FHIT: variants seen among roughly 807,000 people sequenced by gnomAD.
The protein encoded by FHIT is bis(5'-adenosyl)-triphosphatase.
Under a neutral mutation model 17.9 loss-of-function variants are expected in FHIT, and 19 were observed. The observed-to-expected ratio is 1.06, with a 90% CI of 0.74 to 1.56. The LOEUF (loss-of-function observed/expected upper bound fraction) is 1.56. Among genes scored for constraint, FHIT ranks in the 40% most tolerant of loss-of-function variants. The pLI, the probability that FHIT is intolerant of heterozygous loss-of-function variation, is 0.00. For synonymous variants in FHIT, 81 were observed against 69.7 expected (o/e 1.16, Z -0.81); for missense variants, 248 against 189.2 (o/e 1.31, Z -1.82).
intron 5 of FHIT, among the ~76,000 whole-genome samples, chr3:60,214,834 G>A (rs548628405): frequency 6.7e-6 from 1 of 148,452 alleles, no homozygotes; most frequent in African/African-American, 2.5e-5. Flanking sequence ...CTATGCAGCT[G>A]TAAAAAAAAG....
intron 8 of FHIT, among the ~76,000 whole-genome samples, chr3:59,788,944 A>G (rs1699434533): frequency 7.0e-6 from 1 of 141,988 alleles, no homozygotes; most frequent in Admixed American, 7.6e-5. Context: ...CTGAGACCAA[A>G]GAGACTTATG....
At chr3:60,853,334 G>A (rs1462493943) in intron 3 of FHIT, among the ~76,000 whole-genome samples, 2 of 152,070 alleles carry the variant, frequency 1.3e-5, no homozygotes, top group Non-Finnish European at 2.9e-5. Flanking sequence ...TTTGTCTCTT[G>A]TATTGCTTTT....
intron 7 of FHIT, among the ~76,000 whole-genome samples, chr3:59,955,123 A>G (rs546174305): frequency 8.5e-5 from 13 of 152,336 alleles, no homozygotes; most frequent in African/African-American, 2.4e-4. Flanking sequence ...TAGCTATCGT[A>G]CAGCGTAGTT....
chr3:60,436,557 C>G (rs1387887102), intron 5 of FHIT, among the ~76,000 whole-genome samples: 1 of 120,578 alleles, frequency 8.3e-6, no homozygotes, highest in East Asian at 2.3e-4. Flanking sequence ...GTTTCTTCAC[C>G]AATGTAAAGG....
chr3:60,504,441 AAAT>A (rs918829608), intron 5 of FHIT, among the ~76,000 whole-genome samples: 7 of 151,930 alleles, frequency 4.6e-5, no homozygotes, highest in African/African-American at 1.2e-4. Context: ...AAAAAAAAAA[AAAT>A]TTTTTTTTTG....
At chr3:59,992,363 G>C (rs1201974393) in intron 7 of FHIT, among the ~76,000 whole-genome samples, 1 of 152,068 alleles carries the variant, frequency 6.6e-6, no homozygotes, top group Non-Finnish European at 1.5e-5. Context: ...GGGGTCTATA[G>C]ATGCCCGTTT....
At chr3:60,037,278 T>C (rs1701255573) in intron 5 of FHIT, among the ~76,000 whole-genome samples, 1 of 152,162 alleles carries the variant, frequency 6.6e-6, no homozygotes, top group African/African-American at 2.4e-5. Flanking sequence ...TACATAATGC[T>C]TCAAAAAAAT....
chr3:60,874,750 T>C (rs941060639), intron 3 of FHIT, among the ~76,000 whole-genome samples: 1 of 152,090 alleles, frequency 6.6e-6, no homozygotes, highest in African/African-American at 2.4e-5. Context: ...GGACTAATCA[T>C]GGCATATGGC....
chr3:59,901,350 G>A (rs78784066), intron 8 of FHIT, among the ~76,000 whole-genome samples: 3,092 of 152,238 alleles, frequency 0.02, 43 homozygotes, highest in Non-Finnish European at 0.031. Flanking sequence ...GCAAGACAAA[G>A]GTAAGTATGC....
chr3:60,802,455 C>G (rs963691402), intron 4 of FHIT, among the ~76,000 whole-genome samples: 3 of 152,062 alleles, frequency 2.0e-5, no homozygotes, highest in Non-Finnish European at 2.9e-5. Context: ...AAAAGCAACA[C>G]GTTGCCCTGG....
chr3:60,106,119 T>A (rs1396729970), intron 5 of FHIT, among the ~76,000 whole-genome samples: 1 of 152,230 alleles, frequency 6.6e-6, no homozygotes, highest in Non-Finnish European at 1.5e-5. Context: ...GCCACTCACC[T>A]GTTAGATACT....
In FHIT at chr3:60,061,355, C is replaced by G. The variant is rs568738090; in HGVS notation, c.104-47203G>C. On this transcript the variant is annotated intron_variant, in intron 5 of 9. Transcript: ENST00000492590. ...ACATACGACCTCTTTAAAAAACTCC[C>G]TCCAGAAGCCCTACAGTTTCCTCTC... is the stretch of plus-strand genomic sequence containing the variant. Among the ~76,000 whole-genome samples, 3 of 152,330 alleles carry G rather than the reference C, an allele frequency of 2.0e-5. No individual in the cohort carries two copies. In the East Asian group the frequency reaches 5.8e-4, roughly 29 times the overall value.
At chr3:61,076,312 G>C (rs2034969748) in intron 2 of FHIT, among the ~76,000 whole-genome samples, 2 of 152,154 alleles carry the variant, frequency 1.3e-5, no homozygotes, top group South Asian at 4.1e-4. Context: ...AGGTGGTACT[G>C]GTAGAAAATA....
In FHIT at chr3:60,995,819, T is replaced by G. The variant is rs890756650; in HGVS notation, c.-111+46228A>C. Among the ~76,000 whole-genome samples the G allele has an allele frequency of 2.0e-5, 3 of 152,188 alleles. No individual in the cohort carries two copies. The South Asian group carries it at 6.2e-4, about 32-fold the overall frequency. Reference sequence around the variant, plus strand: ...CTGGAAGAACTGTCTGGAAAAAGGATTTTTAAAATATCACACTAAAAAAAT... The same window carrying G: ...CTGGAAGAACTGTCTGGAAAAAGGAGTTTTAAAATATCACACTAAAAAAAT... On this transcript the variant is annotated intron_variant, in intron 3 of 9. Transcript: ENST00000492590.
intron 4 of FHIT, among the ~76,000 whole-genome samples, chr3:60,577,595 G>A (rs1161972720): frequency 6.6e-6 from 1 of 152,104 alleles, no homozygotes; most frequent in Non-Finnish European, 1.5e-5. Context: ...TAAGAAAAAG[G>A]TTGCAGAGTT....
chr3:60,197,496 G>A (rs1443479470), intron 5 of FHIT, among the ~76,000 whole-genome samples: 1 of 152,098 alleles, frequency 6.6e-6, no homozygotes, highest in African/African-American at 2.4e-5. Context: ...GTTGTGAAGT[G>A]AAAACAAAAT....
intron 1 of FHIT, among the ~76,000 whole-genome samples, chr3:61,221,096 T>A (rs1403575392): frequency 8.2e-6 from 1 of 122,136 alleles, no homozygotes; most frequent in Non-Finnish European, 1.8e-5. Context: ...CCATGAAATC[T>A]CAGGGAGCTT....
At chr3:60,114,856 G>A (rs897207900) in intron 5 of FHIT, among the ~76,000 whole-genome samples, 8 of 152,048 alleles carry the variant, frequency 5.3e-5, no homozygotes, top group African/African-American at 1.9e-4. Flanking sequence ...ACTGATTCAA[G>A]GGTATCCAGG....
At chr3:61,229,244 C>T (rs376763553) in intron 1 of FHIT, among the ~76,000 whole-genome samples, 19 of 152,220 alleles carry the variant, frequency 1.2e-4, no homozygotes, top group African/African-American at 4.3e-4. Context: ...AAAAGAAAGG[C>T]AGATGCAGAC....
Sources: gnomAD v4.1 joint callset for allele counts (sites outside exome capture counted in the v4.1 genomes callset) on GRCh38, gnomAD v4.1.1 for gene constraint, MANE v1.5 for transcripts, NCBI Gene and HGNC (gene_info 2026-07-23, HGNC 2026-07-21) for gene names.